CNTNAP4: variants seen among roughly 807,000 people sequenced by gnomAD.
CNTNAP4 encodes the protein contactin associated protein family member 4.
CNTNAP4 carries 98 observed loss-of-function variants against 148.4 expected under a neutral mutation model. The observed-to-expected ratio is 0.66, with a 90% CI of 0.56 to 0.78. The LOEUF is 0.78. CNTNAP4 is among the 30% of genes least tolerant of loss of function. The probability of loss-of-function intolerance (pLI) is 0.00; values close to 1 mark genes in which losing one functional copy is unlikely to be tolerated. For synonymous variants in CNTNAP4, 730 were observed against 565.1 expected, an observed-to-expected ratio of 1.29 and a Z score of -4.14; for missense variants, 1,935 against 1,565.6, an observed-to-expected ratio of 1.24 and a Z score of -3.98.
intron 1 of CNTNAP4, among the ~76,000 whole-genome samples, chr16:76,296,534 A>G (rs1051930597): frequency 1.3e-5 from 2 of 152,206 alleles, no homozygotes; most frequent in Non-Finnish European, 2.9e-5. Context: ...GTTATATTCA[A>G]TTTAATTAAG....
chr16:76,474,991 T>C (rs966230876), intron 10 of CNTNAP4, among the ~76,000 whole-genome samples: 2 of 152,210 alleles, frequency 1.3e-5, no homozygotes, highest in African/African-American at 4.8e-5. Context: ...TTCTCAAGAC[T>C]TGAAACCAGA....
intron 1 of CNTNAP4, among the ~76,000 whole-genome samples, chr16:76,283,361 T>A (rs111336241): frequency 2.6e-5 from 4 of 152,112 alleles, no homozygotes; most frequent in African/African-American, 7.2e-5. Flanking sequence ...CATGCACATG[T>A]ATGTTCATTG....
intron 17 of CNTNAP4, among the ~76,000 whole-genome samples, chr16:76,534,893 G>A (rs553475515): frequency 1.5e-4 from 23 of 152,202 alleles, no homozygotes; most frequent in Admixed American, 9.2e-4. Context: ...TTCAATAAAC[G>A]TTACCGTTAC....
At chr16:76,338,695 G>A (rs925481413) in intron 2 of CNTNAP4, among the ~76,000 whole-genome samples, 3 of 152,174 alleles carry the variant, frequency 2.0e-5, no homozygotes, top group Non-Finnish European at 4.4e-5. Context: ...CATCATCTGA[G>A]ATGAAGAACA....
intron 15 of CNTNAP4, among the ~76,000 whole-genome samples, chr16:76,517,228 G>A (rs918252566): frequency 3.3e-5 from 5 of 152,162 alleles, no homozygotes; most frequent in African/African-American, 1.2e-4. Flanking sequence ...GAGGAAAGCG[G>A]TTTTAGCTGT....
intron 1 of CNTNAP4, among the ~76,000 whole-genome samples, chr16:76,301,874 A>G (rs1298474036): frequency 6.6e-6 from 1 of 152,162 alleles, no homozygotes; most frequent in Non-Finnish European, 1.5e-5. Flanking sequence ...TTGCACAGGA[A>G]TAATCAGAGT....
chr16:76,474,806 A>G (rs1346542143), intron 10 of CNTNAP4, among the ~76,000 whole-genome samples: 3 of 152,186 alleles, frequency 2.0e-5, no homozygotes, highest in African/African-American at 7.2e-5. Context: ...CTTTCGTAAC[A>G]CTAGCAATGT....
intron 15 of CNTNAP4, among the ~76,000 whole-genome samples, chr16:76,509,690 C>G (rs1388672108): frequency 3.1e-5 from 3 of 96,842 alleles, no homozygotes; most frequent in African/African-American, 7.7e-5. Flanking sequence ...CTTCTTTCCC[C>G]TTCTTTATCT....
chr16:76,476,727 C>T (rs752040277), intron 11 of CNTNAP4, among the ~76,000 whole-genome samples: 2 of 152,040 alleles, frequency 1.3e-5, no homozygotes, highest in Non-Finnish European at 2.9e-5. Context: ...TTTACAAGGG[C>T]ACTAAATCCC....
intron 2 of CNTNAP4, among the ~76,000 whole-genome samples, chr16:76,325,343 C>G (rs944345261): frequency 2.6e-5 from 4 of 152,110 alleles, no homozygotes; most frequent in African/African-American, 9.6e-5. Context: ...TGTAGTATAT[C>G]TCCAACTGCA....
chr16:76,310,477 G>A (rs902143905), intron 1 of CNTNAP4, among the ~76,000 whole-genome samples: 17 of 152,282 alleles, frequency 1.1e-4, no homozygotes, highest in African/African-American at 3.8e-4. Context: ...TGAAGGGAAG[G>A]CCATTCCTTA....
intron 11 of CNTNAP4, 69 bp downstream of exon 11, chr16:76,476,114 C>T: frequency 1.9e-6 from 2 of 1,045,122 alleles, no homozygotes; most frequent in Admixed American, 3.7e-5. Context: ...CTTTTCATTG[C>T]TGTGTGTATA....
chr16:76,282,464 A>G (rs776570540), intron 1 of CNTNAP4, among the ~76,000 whole-genome samples: 1 of 151,930 alleles, frequency 6.6e-6, no homozygotes, highest in Non-Finnish European at 1.5e-5. Flanking sequence ...TTTCATGAGT[A>G]TAAAATATTC....
chr16:76,537,813 A>G lies in CNTNAP4; in HGVS notation c.2996-303A>G, dbSNP rs539062499. Among the ~76,000 whole-genome samples, 13 of 152,230 alleles carry G rather than the reference A, an allele frequency of 8.5e-5. No homozygotes were observed. The South Asian group carries it at 2.7e-3, about 32-fold the overall frequency. The stretch of plus-strand genomic sequence containing the variant: ...ACAGATGGGAGTTAAAATTTAAATA[A>G]AAAAGTAGATGATCAAGGAGATAGA... On this transcript the variant is annotated intron_variant, in intron 18 of 23. Coordinates refer to ENST00000611870, the MANE Select transcript of CNTNAP4 (RefSeq NM_033401.5).
intron 13 of CNTNAP4, among the ~76,000 whole-genome samples, chr16:76,491,292 C>T (rs1403766871): frequency 6.6e-6 from 1 of 152,186 alleles, no homozygotes; most frequent in East Asian, 1.9e-4. Context: ...GTGCAAACAG[C>T]ATAGGATTTA....
intron 3 of CNTNAP4, among the ~76,000 whole-genome samples, chr16:76,361,395 A>G (rs551903069): frequency 5.9e-5 from 9 of 152,308 alleles, no homozygotes; most frequent in African/African-American, 2.2e-4. Context: ...AAGTGGCAAC[A>G]TGCATTATTT....
chr16:76,456,815 G>C (rs1421454468), intron 8 of CNTNAP4, among the ~76,000 whole-genome samples: 1 of 152,126 alleles, frequency 6.6e-6, no homozygotes, highest in Admixed American at 6.5e-5. Flanking sequence ...GAAGAGTGTA[G>C]GTTTTGGAGT....
chr16:76,312,894 C>G (rs558656144), intron 1 of CNTNAP4, among the ~76,000 whole-genome samples: 12 of 152,160 alleles, frequency 7.9e-5, no homozygotes, highest in African/African-American at 2.7e-4. Flanking sequence ...AGAGTGCTCT[C>G]TAAATGTGTC....
chr16:76,438,868 T>G (rs1032821464), intron 4 of CNTNAP4, among the ~76,000 whole-genome samples: 10 of 152,216 alleles, frequency 6.6e-5, no homozygotes, highest in Non-Finnish European at 1.5e-4. Flanking sequence ...AAAACTCTCC[T>G]GTAACCCTGT....
Sources: gnomAD v4.1 joint callset for allele counts (sites outside exome capture counted in the v4.1 genomes callset) on GRCh38, gnomAD v4.1.1 for gene constraint, MANE v1.5 for transcripts, NCBI Gene and HGNC (gene_info 2026-07-23, HGNC 2026-07-21) for gene names.